Variants in ITGB8 observed in about 807,000 individuals in gnomAD.
The protein encoded by ITGB8 is integrin subunit beta 8.
Under a neutral mutation model 89.5 loss-of-function variants are expected in ITGB8, and 30 were observed. The observed-to-expected ratio is 0.34, with a 90% CI of 0.25 to 0.45. ITGB8 has a LOEUF of 0.45. ITGB8 is among the 20% of genes least tolerant of loss of function. The probability of loss-of-function intolerance (pLI) is 1.00; values close to 1 mark genes in which losing one functional copy is unlikely to be tolerated. For synonymous variants in ITGB8, 335 were observed against 320.4 expected (o/e 1.05, Z -0.49); for missense variants, 836 against 933.3 (o/e 0.90, Z 1.36).
rs1487940650 is a variant in ITGB8, at chr7:20,411,506, C to T, written c.*1509C>T. 2 of 152,498 alleles carry T rather than the reference C, an allele frequency of 1.3e-5. No homozygotes were observed. Among genetic ancestry groups the T allele is most frequent in the Non-Finnish European group, 2.9e-5 (2 of 68,012 alleles). The allele number at this position is 152,498 out of a possible 1,614,324, so 9.4% of individuals were successfully genotyped here. On this transcript the variant is annotated 3_prime_UTR_variant, in exon 14 of 14. Coordinates refer to ENST00000222573, the MANE Select transcript of ITGB8 (RefSeq NM_002214.3). ...GGAACTGAGCCTCAGAAAACTTAAACGATTTCTCAGAAAACACTCAAGTGA... is the reference window on the plus strand; with the variant it reads ...GGAACTGAGCCTCAGAAAACTTAAATGATTTCTCAGAAAACACTCAAGTGA...
intron 11 of ITGB8, among the ~76,000 whole-genome samples, chr7:20,405,328 T>TA (rs113047646): frequency 0.029 from 4,214 of 144,108 alleles, 159 homozygotes; most frequent in African/African-American, 0.089. Flanking sequence ...TATATATATA[T>TA]TTTTTTTTTG....
chr7:20,333,504 T>C (rs1485222194), intron 1 of ITGB8, among the ~76,000 whole-genome samples: 3 of 152,232 alleles, frequency 2.0e-5, no homozygotes, highest in Non-Finnish European at 4.4e-5. Flanking sequence ...GTTAACACAG[T>C]ATATTTTGTT....
intron 4 of ITGB8, 60 bp downstream of exon 4, chr7:20,379,357 G>T: frequency 8.4e-7 from 1 of 1,187,652 alleles, no homozygotes; most frequent in South Asian, 2.1e-5. Context: ...ATCTCACTTT[G>T]TTTTTAATGT....
Position 20,363,669 on chromosome 7 carries a change from T to A in ITGB8, c.160T>A (p.Ser54Thr). Residue 54 changes from serine to threonine, a missense_variant, in exon 2 of 14, where the codon TCC becomes ACC. Around this residue, in one of 5 missense-constraint regions of ITGB8, gnomAD observed 182 missense variants for 177.0 expected, o/e 1.03. Transcript: ENST00000222573. ...DNRCASSNAA[S>T]CARCLALGPE... ...TAGATGTGCATCTTCAAATGCAGCA[T>A]CCTGTGCCAGGTGCCTTGCGCTGGG... is the stretch of plus-strand genomic sequence containing the variant. 1 of 1,604,968 alleles carries A rather than the reference T, an allele frequency of 6.2e-7. No homozygotes were observed. The highest frequency in any genetic ancestry group is 8.5e-7 in the Non-Finnish European group (1 of 1,177,178).
intron 1 of ITGB8, among the ~76,000 whole-genome samples, chr7:20,348,868 G>A (rs1785017825): frequency 6.6e-6 from 1 of 152,208 alleles, no homozygotes; most frequent in Non-Finnish European, 1.5e-5. Context: ...CCCAAGGAAT[G>A]ATGAACTCTG....
Position 20,413,708 on chromosome 7 carries a change from A to G in ITGB8, c.*3711A>G, listed in dbSNP as rs887952281. The G allele has an allele frequency of 2.0e-5, 3 of 152,100 alleles. No individual in the cohort carries two copies. The highest frequency in any genetic ancestry group is 4.4e-5 in the Non-Finnish European group (3 of 67,960). 9.4% of individuals were successfully genotyped at this position (152,100 alleles called of 1,614,324 possible). ...GCCCCTGAACAAAGACAGACCCATT[A>G]AAATCTAAGAATTCTAAATTTTCAC... is the stretch of plus-strand genomic sequence containing the variant. On this transcript the variant is annotated 3_prime_UTR_variant, in exon 14 of 14. Coordinates refer to ENST00000222573, the MANE Select transcript of ITGB8 (RefSeq NM_002214.3).
At chr7:20,401,160 G>C (rs1412886755) in intron 9 of ITGB8, among the ~76,000 whole-genome samples, 1 of 151,990 alleles carries the variant, frequency 6.6e-6, no homozygotes, top group African/African-American at 2.4e-5. Context: ...TGAATTTTTA[G>C]TAGAGATAGG....
chr7:20,347,512 G>T (rs974399287), intron 1 of ITGB8, among the ~76,000 whole-genome samples: 4 of 152,188 alleles, frequency 2.6e-5, no homozygotes, highest in African/African-American at 9.6e-5. Flanking sequence ...TAAATTAAAA[G>T]CAAAAAGTCT....
rs144078183 is a variant in ITGB8, at chr7:20,372,538, G to A, written c.388+5352G>A. On this transcript the variant is annotated intron_variant, in intron 3 of 13. Coordinates refer to ENST00000222573, the MANE Select transcript of ITGB8 (RefSeq NM_002214.3). ...CTGGGATGTCTTGAGTTGAGAGAGAGAGACTTAAGCTATATGAGGCTGAAG... is the reference window on the plus strand; with the variant it reads ...CTGGGATGTCTTGAGTTGAGAGAGAAAGACTTAAGCTATATGAGGCTGAAG... 4.6e-4 allele frequency among the ~76,000 whole-genome samples: 68 copies of A among 146,444 alleles called. 1 individual carries two copies. The highest frequency in any genetic ancestry group is 1.6e-3 in the African/African-American group (67 of 41,108).
Position 20,360,052 on chromosome 7 carries a change from C to T in ITGB8, c.128-3585C>T, listed in dbSNP as rs183669796. Reference sequence around the variant, plus strand: ...ACCTGAGAAATGTAAGCCCTGGAACCTGGGAAGTATTGACAGGACCAACAT... The same window carrying T: ...ACCTGAGAAATGTAAGCCCTGGAACTTGGGAAGTATTGACAGGACCAACAT... On this transcript the variant is annotated intron_variant, in intron 1 of 13. Coordinates refer to ENST00000222573, the MANE Select transcript of ITGB8 (RefSeq NM_002214.3). Among the ~76,000 whole-genome samples, 257 of 152,242 alleles carry T rather than the reference C, an allele frequency of 1.7e-3. 1 individual carries two copies. The highest frequency in any genetic ancestry group is 5.8e-3 in the African/African-American group (240 of 41,538).
Position 20,341,373 on chromosome 7 carries a change from T to G in ITGB8, c.127+9440T>G, listed in dbSNP as rs3807928. Among the ~76,000 whole-genome samples the G allele has an allele frequency of 7.9e-5, 12 of 152,210 alleles. No homozygotes were observed. The East Asian group carries it at 2.1e-3, about 27-fold the overall frequency. On this transcript the variant is annotated intron_variant, in intron 1 of 13. Transcript: ENST00000222573. Reference sequence around the variant, plus strand: ...TTACAGTTTCAGACATCCTCAGTTTTGGTTAAAAAGGTCCCTTTTGATGAG... The same window carrying G: ...TTACAGTTTCAGACATCCTCAGTTTGGGTTAAAAAGGTCCCTTTTGATGAG...
chr7:20,381,556 G>A, intron 5 of ITGB8, 171 bp from the exon 6 acceptor site: 2 of 530,534 alleles, frequency 3.8e-6, no homozygotes, highest in South Asian at 3.0e-5. Flanking sequence ...TGGGAAAATA[G>A]AGGATGTACA....
chr7:20,368,421 A>G (rs1042175155), intron 3 of ITGB8, among the ~76,000 whole-genome samples: 1 of 152,160 alleles, frequency 6.6e-6, no homozygotes, highest in Non-Finnish European at 1.5e-5. Context: ...GCCCTTAGAT[A>G]TTCCTATAAT....
At position 20,410,124 on chromosome 7, in the gene ITGB8, G is replaced by C. The variant is rs531741645; in HGVS notation, c.*127G>C. On this transcript the variant is annotated 3_prime_UTR_variant, in exon 14 of 14. Transcript: ENST00000222573. ...CATGCCAGTTGCTGGTTGTACACTCGAACGAAGACTGACAAGTATCCTCAT... is the reference window on the plus strand; with the variant it reads ...CATGCCAGTTGCTGGTTGTACACTCCAACGAAGACTGACAAGTATCCTCAT... 3.4e-6 allele frequency: 3 copies of C among 877,776 alleles called. No individual in the cohort carries two copies. The highest frequency in any genetic ancestry group is 2.6e-5 in the Admixed American group (1 of 37,932). 54.4% of individuals were successfully genotyped at this position (877,776 alleles called of 1,614,324 possible).
chr7:20,348,373 C>G (rs1305531874), intron 1 of ITGB8, among the ~76,000 whole-genome samples: 1 of 152,212 alleles, frequency 6.6e-6, no homozygotes, highest in African/African-American at 2.4e-5. Context: ...TGCATCACCC[C>G]ATTTGTGCCT....
At chr7:20,371,591 T>C (rs1329835725) in intron 3 of ITGB8, among the ~76,000 whole-genome samples, 1 of 152,158 alleles carries the variant, frequency 6.6e-6, no homozygotes, top group African/African-American at 2.4e-5. Flanking sequence ...TGGAGAAGAA[T>C]TTTATGCTCC....
chr7:20,369,286 G>A (rs751574092), intron 3 of ITGB8, among the ~76,000 whole-genome samples: 2 of 152,166 alleles, frequency 1.3e-5, no homozygotes, highest in African/African-American at 4.8e-5. Context: ...AACAAAGTAC[G>A]TTGATTGGGT....
At chr7:20,338,619 T>C (rs955374344) in intron 1 of ITGB8, among the ~76,000 whole-genome samples, 1 of 151,878 alleles carries the variant, frequency 6.6e-6, no homozygotes, top group Non-Finnish European at 1.5e-5. Context: ...CAGAGCAAGA[T>C]TGCATCTCAA....
intron 6 of ITGB8, among the ~76,000 whole-genome samples, chr7:20,384,333 T>G: frequency 6.6e-6 from 1 of 152,004 alleles, no homozygotes; most frequent in African/African-American, 2.4e-5. Flanking sequence ...AGGAAACAAC[T>G]GATTAAAAAA....
Sources: gnomAD v4.1 joint callset for allele counts (sites outside exome capture counted in the v4.1 genomes callset) on GRCh38, gnomAD v4.1.1 for gene constraint, gnomAD v4.1.1 regional missense constraint, MANE v1.5 for transcripts, NCBI Gene and HGNC (gene_info 2026-07-23, HGNC 2026-07-21) for gene names.